The following SSH1 variants were observed in gnomAD, a reference collection of about 807,000 sequenced individuals.
SSH1 encodes the protein protein phosphatase Slingshot homolog 1.
Under a neutral mutation model 79.7 loss-of-function variants are expected in SSH1, and 43 were observed. That is an observed-to-expected ratio of 0.54 (90% CI 0.42 to 0.70). The LOEUF (loss-of-function observed/expected upper bound fraction) is 0.70. SSH1 is among the 30% of genes least tolerant of loss of function. SSH1 has a pLI of 0.00. For synonymous variants in SSH1, 599 were observed against 538.3 expected (o/e 1.11, Z -1.56); for missense variants, 1,206 against 1,358.8 (o/e 0.89, Z 1.77).
chr12:108,824,922 C>T (rs1431982362), intron 2 of SSH1, among the ~76,000 whole-genome samples: 1 of 152,166 alleles, frequency 6.6e-6, no homozygotes, highest in Admixed American at 6.5e-5. Flanking sequence ...AAATTATTAA[C>T]AACGGCTTTG....
intron 2 of SSH1, chr12:108,826,136 A>G (rs753658551): frequency 2.2e-6 from 1 of 455,530 alleles, no homozygotes; most frequent in Non-Finnish European, 4.4e-6. Context: ...ACAGCCAACC[A>G]TTAACGATGA....
intron 2 of SSH1, among the ~76,000 whole-genome samples, chr12:108,840,644 T>C (rs1256589327): frequency 1.3e-5 from 2 of 152,246 alleles, no homozygotes; most frequent in Non-Finnish European, 2.9e-5. Context: ...CCCATCTGGA[T>C]GTCCTCCTCA....
chr12:108,842,092 G>A (rs754966336), intron 2 of SSH1, among the ~76,000 whole-genome samples: 1 of 152,014 alleles, frequency 6.6e-6, no homozygotes, highest in Non-Finnish European at 1.5e-5. Context: ...TCATGCCACT[G>A]TACTCCAGTC....
In SSH1 at chr12:108,788,851, C is replaced by T; in HGVS notation, c.2287G>A (p.Asp763Asn). Residue 763 changes from aspartate to asparagine, a missense_variant, in exon 15 of 15, where the codon GAT becomes AAT. Coordinates refer to ENST00000326495, the MANE Select transcript of SSH1 (RefSeq NM_018984.4). Reference protein sequence around the residue: ...KSLLLKNSHCDKNPPSTEVVI... With the variant: ...KSLLLKNSHCNKNPPSTEVVI... ...ACTTCTGTGCTGGGAGGGTTCTTATCACAGTGAGAATTCTTCAAAAGGAGG... is the reference window on the plus strand; with the variant it reads ...ACTTCTGTGCTGGGAGGGTTCTTATTACAGTGAGAATTCTTCAAAAGGAGG... 2 of 1,614,198 alleles carry T rather than the reference C, an allele frequency of 1.2e-6. No homozygotes were observed. The highest frequency in any genetic ancestry group is 1.7e-6 in the Non-Finnish European group (2 of 1,180,032).
chr12:108,830,102 A>C lies in SSH1; in HGVS notation c.111-6741T>G, dbSNP rs757551783. Among the ~76,000 whole-genome samples, 21 of 151,970 alleles carry C rather than the reference A, an allele frequency of 1.4e-4. 1 individual carries two copies. The highest frequency in any genetic ancestry group is 5.9e-5 in the Non-Finnish European group (4 of 67,984). Reference sequence around the variant, plus strand: ...AACCTGGGAGACAGATCTTGTCTCCAGAAAGTTCCAGGGGGTGCTTCTGAT... The same window carrying C: ...AACCTGGGAGACAGATCTTGTCTCCCGAAAGTTCCAGGGGGTGCTTCTGAT... On this transcript the variant is annotated intron_variant, in intron 2 of 14. Transcript: ENST00000326495.
chr12:108,838,872 T>C (rs2038706424), intron 2 of SSH1, among the ~76,000 whole-genome samples: 1 of 152,232 alleles, frequency 6.6e-6, no homozygotes, highest in African/African-American at 2.4e-5. Flanking sequence ...AAGTCAGATC[T>C]GTGGCCAAAT....
intron 1 of SSH1, chr12:108,853,306 C>T (rs1052920751): frequency 7.1e-6 from 7 of 984,994 alleles, no homozygotes; most frequent in Non-Finnish European, 8.4e-6. Flanking sequence ...TAAAAGGCCA[C>T]GAGTTTGGGC....
chr12:108,823,182 A>T, intron 3 of SSH1, 76 bp downstream of exon 3: 3 of 1,415,546 alleles, frequency 2.1e-6, no homozygotes, highest in Non-Finnish European at 2.9e-6. Context: ...ACTCAGCAAC[A>T]TCACCAACAA....
Position 108,807,418 on chromosome 12 carries a change from ATTTT to A in SSH1, c.731+211_731+214del, listed in dbSNP as rs35206418. ...AATGCATTCACCAAATTCATCAGTA[ATTTT>A]TTTTTTTTTTTTCTTTTTTTTGCAT... is the stretch of plus-strand genomic sequence containing the variant. On this transcript the variant is annotated intron_variant, in intron 8 of 14. Transcript: ENST00000326495. The surrounding 1 kb of genome is among the most constrained non-coding windows in gnomAD (Gnocchi z 5.2). 4.0e-3 allele frequency among the ~76,000 whole-genome samples: 574 copies of A among 143,490 alleles called. 1 individual carries two copies. Among genetic ancestry groups the A allele is most frequent in the African/African-American group, 0.014 (532 of 38,682 alleles). 94.1% of individuals were successfully genotyped at this position (143,490 alleles called of 152,430 possible). A position where few individuals can be genotyped will look rare whatever the true frequency, so the allele number is the denominator to read the frequency against.
intron 1 of SSH1, chr12:108,853,215 A>G (rs1441418676): frequency 1.7e-5 from 17 of 978,886 alleles, no homozygotes; most frequent in Non-Finnish European, 2.0e-5. Flanking sequence ...GAAAAGACTT[A>G]AACATTTGAT....
At chr12:108,831,023 G>A (rs1322721543) in intron 2 of SSH1, among the ~76,000 whole-genome samples, 8 of 151,988 alleles carry the variant, frequency 5.3e-5, no homozygotes, top group Admixed American at 3.3e-4. Context: ...TCACAAAACC[G>A]TGTGGAAGAC....
Position 108,805,187 on chromosome 12 carries a change from G to A in SSH1, c.826-3C>T. ...TGTTTCTCTAATTCATTACGAATCT[G>A]TGGAGTAGAAAATATTAGGAAAAGT... On this transcript the variant is annotated splice_region_variant and splice_polypyrimidine_tract_variant and intron_variant, in intron 9 of 14. Transcript: ENST00000326495. 6.2e-7 allele frequency: 1 copy of A among 1,612,140 alleles called. No individual in the cohort carries two copies. The highest frequency in any genetic ancestry group is 2.2e-5 in the East Asian group (1 of 44,864).
intron 2 of SSH1, among the ~76,000 whole-genome samples, chr12:108,840,013 G>A (rs73410928): frequency 9.8e-4 from 150 of 152,334 alleles, no homozygotes; most frequent in Middle Eastern, 3.4e-3. Flanking sequence ...TGGCAAGGCC[G>A]ATGCCCCATC....
At chr12:108,839,072 C>A (rs2038713395) in intron 2 of SSH1, among the ~76,000 whole-genome samples, 1 of 152,182 alleles carries the variant, frequency 6.6e-6, no homozygotes, top group Middle Eastern at 3.2e-3. Flanking sequence ...ACACACATTA[C>A]CCCTGAGGGA....
At chr12:108,803,340 G>GCATT in intron 10 of SSH1, among the ~76,000 whole-genome samples, 1 of 148,990 alleles carries the variant, frequency 6.7e-6, no homozygotes. Context: ...CCACTCCCAA[G>GCATT]CATTCAAAGG....
chr12:108,844,696 A>C (rs2038858469), intron 2 of SSH1, among the ~76,000 whole-genome samples: 2 of 152,226 alleles, frequency 1.3e-5, no homozygotes, highest in Non-Finnish European at 2.9e-5. Flanking sequence ...GCTGTGCTGC[A>C]CATTAAAGGC....
At chr12:108,836,100 T>C (rs1228160443) in intron 2 of SSH1, among the ~76,000 whole-genome samples, 1 of 148,432 alleles carries the variant, frequency 6.7e-6, no homozygotes, top group African/African-American at 2.5e-5. Context: ...CCTAAGTTTA[T>C]ATAATATGCA....
At chr12:108,827,488 C>T in intron 2 of SSH1, 1 of 1,298,030 alleles carries the variant, frequency 7.7e-7, no homozygotes, top group South Asian at 2.8e-5. Flanking sequence ...TCCTCAGAGT[C>T]CTACCCGAAA....
At chr12:108,811,778 G>A (rs1035131578) in intron 5 of SSH1, 25 of 249,780 alleles carry the variant, frequency 1.0e-4, no homozygotes, top group African/African-American at 1.3e-4. Context: ...TTACAATCTC[G>A]CTTAATCTGG....
Sources: gnomAD v4.1 joint callset for allele counts (sites outside exome capture counted in the v4.1 genomes callset) on GRCh38, gnomAD v4.1.1 for gene constraint, Gnocchi (gnomAD v3.1) non-coding constraint, MANE v1.5 for transcripts, NCBI Gene and HGNC (gene_info 2026-07-23, HGNC 2026-07-21) for gene names.